The following ZBTB21 variants were observed in gnomAD, a reference collection of about 807,000 sequenced individuals.
ZBTB21 encodes the protein zinc finger and BTB domain-containing protein 21.
In ZBTB21, 10 loss-of-function variants were observed where a neutral mutation model predicts 39.8. That is an observed-to-expected ratio of 0.25 (90% CI 0.16 to 0.43). ZBTB21 has a LOEUF of 0.43. Ranked by LOEUF, ZBTB21 falls within the 20% of genes least tolerant of loss-of-function variation. The pLI, the probability that ZBTB21 is intolerant of heterozygous loss-of-function variation, is 1.00. For missense variants in ZBTB21, 1,221 were observed against 1,296.3 expected (o/e 0.94, Z 0.89); for synonymous variants, 551 against 498.8 (o/e 1.10, Z -1.40).
rs1308431857 is a variant in ZBTB21 at position 42,001,949 on chromosome 21, G to C, written c.-14+948C>G. 2.0e-5 allele frequency among the ~76,000 whole-genome samples: 3 copies of C among 152,216 alleles called. No individual in the cohort carries two copies. The East Asian group carries it at 5.8e-4, about 29-fold the overall frequency. On this transcript the variant is annotated intron_variant, in intron 2 of 2. Transcript: ENST00000310826. ...CATGCAACACTACAGAGACAAGACAGAGCAGGAGGAATCCAAGGGAACCAC... is the reference window on the plus strand; with the variant it reads ...CATGCAACACTACAGAGACAAGACACAGCAGGAGGAATCCAAGGGAACCAC...
chr21:42,003,483 G>A (rs1256321895), intron 1 of ZBTB21, among the ~76,000 whole-genome samples: 1 of 152,164 alleles, frequency 6.6e-6, no homozygotes, highest in Non-Finnish European at 1.5e-5. Flanking sequence ...AGAGTGAATA[G>A]TGGGAACTAT....
chr21:42,009,361 G>C (rs924353369), intron 1 of ZBTB21: 2 of 152,268 alleles, frequency 1.3e-5, no homozygotes, highest in South Asian at 2.1e-4. Context: ...GATGGACTAC[G>C]GGGCGTGTTC....
In ZBTB21 at chr21:41,992,636, T is replaced by G; in HGVS notation, c.1460A>C (p.Gln487Pro). The stretch of plus-strand genomic sequence containing the variant: ...CTTAAACGGCAATCTTCGGTCCGCT[T>G]GGAACCTCCTTTTTGCTGGGAGTCT... ...MSRLPAKRRFQADRRLPFKKL... is the reference protein window; with the variant it reads ...MSRLPAKRRFPADRRLPFKKL... The change falls in exon 3 of 3, where the codon CAA becomes CCA. Residue 487 changes from glutamine to proline, a missense_variant. Physicochemically the swap from Gln to Pro is moderately conservative, Grantham distance 76. Coordinates refer to ENST00000310826, the MANE Select transcript of ZBTB21 (RefSeq NM_001098402.2). The surrounding 1 kb of genome is among the most constrained non-coding windows in gnomAD (Gnocchi z 4.1). The G allele has an allele frequency of 6.2e-7, 1 of 1,614,176 alleles. No individual in the cohort carries two copies.
rs113350151 is a variant in ZBTB21 at position 41,990,767 on chromosome 21, A to G, written c.*128T>C. ...GTAATTATCAATTTGCCTCCAACTT[A>G]ATTTCAAGCGTAACAATCTCCAACC... On this transcript the variant is annotated 3_prime_UTR_variant, in exon 3 of 3. Transcript: ENST00000310826. The G allele has an allele frequency of 5.4e-3, 5,104 of 948,792 alleles. 29 individuals are homozygous for G. The highest frequency in any genetic ancestry group is 6.0e-3 in the Non-Finnish European group (4,163 of 689,134). The allele number at this position is 948,792 out of a possible 1,614,324, so 58.8% of individuals were successfully genotyped here. A position where few individuals can be genotyped will look rare whatever the true frequency, so the allele number is the denominator to read the frequency against.
intron 1 of ZBTB21, among the ~76,000 whole-genome samples, chr21:42,006,406 G>A (rs923251562): frequency 6.7e-6 from 1 of 150,084 alleles, no homozygotes; most frequent in Non-Finnish European, 1.5e-5. Flanking sequence ...GGTGACAGCT[G>A]AGCCAGAGCG....
chr21:42,010,235 G>A lies in ZBTB21; in HGVS notation c.-79+17C>T. On this transcript the variant is annotated intron_variant, in intron 1 of 2. Transcript: ENST00000310826. ...CCCCGCAGTTCTCCTAGAGCTAGGG[G>A]CGTGACAGTTACTCACCGGTCTTCA... 2.5e-6 allele frequency: 1 copy of A among 397,840 alleles called. No homozygotes were observed. The highest frequency in any genetic ancestry group is 4.4e-6 in the Non-Finnish European group (1 of 225,502). 24.6% of individuals were successfully genotyped at this position (397,840 alleles called of 1,614,324 possible).
intron 2 of ZBTB21, among the ~76,000 whole-genome samples, chr21:41,998,995 A>G (rs1452802004): frequency 6.6e-6 from 1 of 152,102 alleles, no homozygotes; most frequent in African/African-American, 2.4e-5. Context: ...TTCTTCTCTT[A>G]GTCATTTAAA....
intron 1 of ZBTB21, among the ~76,000 whole-genome samples, chr21:42,007,508 C>T (rs2065893447): frequency 6.6e-6 from 1 of 152,216 alleles, no homozygotes; most frequent in African/African-American, 2.4e-5. Flanking sequence ...TCTCTCTTCC[C>T]TCTCCTTTAC....
intron 2 of ZBTB21, chr21:42,002,300 T>A (rs1448413577): frequency 8.4e-6 from 1 of 118,638 alleles, no homozygotes; most frequent in Non-Finnish European, 1.8e-5. Context: ...ATTAACATAT[T>A]GAATTTTTGT....
chr21:41,994,003 A>G lies in ZBTB21; in HGVS notation c.93T>C (p.Asp31=). 6.2e-7 allele frequency: 1 copy of G among 1,614,272 alleles called. No homozygotes were observed. The highest frequency in any genetic ancestry group is 8.5e-7 in the Non-Finnish European group (1 of 1,180,042). Residue 31 remains aspartate, a synonymous_variant, in exon 3 of 3, where the codon GAT becomes GAC. Coordinates refer to ENST00000310826, the MANE Select transcript of ZBTB21 (RefSeq NM_001098402.2). ...NEERLKGQLC[D]VLLIVGDQKF... The stretch of plus-strand genomic sequence containing the variant: ...TTTGGTCTCCAACAATCAGCAGCAC[A>G]TCACACAGCTGTCCTTTGAGACGCT...
chr21:42,003,465 AG>A (rs766704588), intron 1 of ZBTB21, among the ~76,000 whole-genome samples: 22 of 152,150 alleles, frequency 1.4e-4, no homozygotes, highest in Non-Finnish European at 3.2e-4. Flanking sequence ...AGGGTGTAGG[AG>A]GGTGGAAGAG....
rs1329479530 is a variant in ZBTB21 at position 41,992,084 on chromosome 21, A to G, written c.2012T>C (p.Ile671Thr). 1 of 1,614,098 alleles carries G rather than the reference A, an allele frequency of 6.2e-7. No individual in the cohort carries two copies. The highest frequency in any genetic ancestry group is 1.3e-5 in the African/African-American group (1 of 74,926). ...GTACGCTTTTCCGCAGTAAGTACAA[A>G]TGTAAGCTCCTTTGGCTCGAGATCT... ...NLRSRAKGAYICTYCGKAYRF... is the reference protein window; with the variant it reads ...NLRSRAKGAYTCTYCGKAYRF... Residue 671 changes from isoleucine (I) to threonine (T), a missense_variant, in exon 3 of 3, where the codon ATT becomes ACT. By Grantham distance (89) the Ile-to-Thr change is moderately conservative. Transcript: ENST00000310826. The surrounding 1 kb of genome is among the most constrained non-coding windows in gnomAD (Gnocchi z 4.1).
chr21:41,989,404 C>T lies in ZBTB21; in HGVS notation c.*1491G>A, dbSNP rs2065620696. The T allele has an allele frequency of 6.6e-6, 1 of 152,016 alleles. No individual in the cohort carries two copies. The allele number at this position is 152,016 out of a possible 1,614,324, so 9.4% of individuals were successfully genotyped here. A position where few individuals can be genotyped will look rare whatever the true frequency, so the allele number is the denominator to read the frequency against. On this transcript the variant is annotated 3_prime_UTR_variant, in exon 3 of 3. Transcript: ENST00000310826. ...ATTATTTCTTAATGACAGTAGTTGG[C>T]TTTTAAAAAAAATTTGAAAGAATAC...
rs902602830 is a variant in ZBTB21, at chr21:41,994,089, C to T, written c.7G>A (p.Gly3Arg). The T allele has an allele frequency of 1.3e-6, 2 of 1,572,278 alleles. No homozygotes were observed. The highest frequency in any genetic ancestry group is 2.7e-5 in the African/African-American group (2 of 72,894). Reference sequence around the variant, plus strand: ...GCAGGGTTGATGTAATGCAGTAATCCCTCCATGGCTTGAGTTTATCTAAAA... The same window carrying T: ...GCAGGGTTGATGTAATGCAGTAATCTCTCCATGGCTTGAGTTTATCTAAAA... ME[G>R]LLHYINPAHA... The change falls in exon 3 of 3, where the codon GGA becomes AGA. Residue 3 changes from glycine (G) to arginine (R), a missense_variant. Physicochemically the swap from Gly to Arg is moderately radical, Grantham distance 125. Coordinates refer to ENST00000310826, the MANE Select transcript of ZBTB21 (RefSeq NM_001098402.2).
chr21:41,997,019 T>C (rs763928321), intron 2 of ZBTB21, among the ~76,000 whole-genome samples: 49 of 152,332 alleles, frequency 3.2e-4, no homozygotes, highest in Admixed American at 6.5e-4. Context: ...TTTTCTTTGT[T>C]AGTTACCCAG....
intron 1 of ZBTB21, among the ~76,000 whole-genome samples, chr21:42,004,288 T>C (rs1274148691): frequency 6.6e-6 from 1 of 152,174 alleles, no homozygotes; most frequent in Admixed American, 6.5e-5. Flanking sequence ...GCCAGCCACC[T>C]GTAAGATATG....
At chr21:42,001,075 TA>T (rs1436274656) in intron 2 of ZBTB21, among the ~76,000 whole-genome samples, 1 of 152,212 alleles carries the variant, frequency 6.6e-6, no homozygotes, top group East Asian at 1.9e-4. Context: ...TAGGTACTAT[TA>T]TTATCCCCAT....
intron 2 of ZBTB21, among the ~76,000 whole-genome samples, chr21:42,001,844 G>A (rs929442601): frequency 1.3e-5 from 2 of 152,184 alleles, no homozygotes; most frequent in African/African-American, 2.4e-5. Context: ...CCGAGGCACA[G>A]AGGGTTAAGT....
Position 41,993,201 on chromosome 21 carries a change from T to G in ZBTB21, c.895A>C (p.Asn299His). ...AAGTTTCTATCTTCACCTTGACCAT[T>G]TCCTTTGTTAGTTTCTTTTAATAGA... The part of the protein sequence containing the change: ...PYLLKETNKG[N>H]GQGEDRNLLY... The change falls in exon 3 of 3, where the codon AAT (asparagine) becomes CAT (histidine). Residue 299 changes from asparagine (N) to histidine (H), a missense_variant. Asn to His is a moderately conservative substitution (Grantham distance 68, BLOSUM62 1). Around this residue, in one of 4 missense-constraint regions of ZBTB21, gnomAD observed 500 missense variants for 465.6 expected, o/e 1.07. Transcript: ENST00000310826. 3.7e-6 allele frequency: 6 copies of G among 1,612,942 alleles called. No homozygotes were observed. Among genetic ancestry groups the G allele is most frequent in the Non-Finnish European group, 4.2e-6 (5 of 1,180,018 alleles).
Sources: allele counts gnomAD v4.1 joint callset (sites outside exome capture counted in the v4.1 genomes callset), GRCh38; gene constraint gnomAD v4.1.1; regional missense constraint gnomAD v4.1.1; non-coding constraint Gnocchi (gnomAD v3.1); transcripts MANE v1.5; gene names NCBI Gene and HGNC (gene_info 2026-07-23, HGNC 2026-07-21).